ETV7: variants seen among roughly 807,000 people sequenced by gnomAD.
ETV7 encodes ETS variant transcription factor 7.
Under a neutral mutation model 39.1 loss-of-function variants are expected in ETV7, and 43 were observed. That is an observed-to-expected ratio of 1.10 (90% CI 0.86 to 1.42). ETV7 has a LOEUF of 1.42. ETV7 is among the 40% of genes most tolerant of loss of function. The probability of loss-of-function intolerance (pLI) is 0.00; values close to 1 mark genes in which losing one functional copy is unlikely to be tolerated. For synonymous variants in ETV7, 196 were observed against 176.6 expected (o/e 1.11, Z -0.87); for missense variants, 432 against 442.3 (o/e 0.98, Z 0.21).
At chr6:36,369,273 C>T (rs939983572) in intron 5 of ETV7, among the ~76,000 whole-genome samples, 2 of 152,154 alleles carry the variant, frequency 1.3e-5, no homozygotes, top group Admixed American at 6.5e-5. Context: ...TCTGGGAAGT[C>T]GTTACCTTTA....
At chr6:36,357,055 T>A (rs1772360530) in intron 7 of ETV7, among the ~76,000 whole-genome samples, 1 of 152,150 alleles carries the variant, frequency 6.6e-6, no homozygotes, top group Non-Finnish European at 1.5e-5. Context: ...GCATTACAAA[T>A]TATCTCTTTT....
Position 36,371,558 on chromosome 6 carries a change from C to T in ETV7, c.436G>A (p.Val146Met), listed in dbSNP as rs1313537655. The change falls in exon 5 of 8, where the codon GTG becomes ATG. Residue 146 changes from valine to methionine, a missense_variant and splice_region_variant. Transcript: ENST00000340181. ...GTGTCCATCTGAGAGGGGCCAGTCA[C>T]CTCTGCAAGCAGATGAGCACCAGTG... ...TQHSPVPPEE[V>M]TGPSQMDTRR... 2 of 1,579,794 alleles carry T rather than the reference C, an allele frequency of 1.3e-6. No homozygotes were observed. Among genetic ancestry groups the T allele is most frequent in the African/African-American group, 2.7e-5 (2 of 74,686 alleles).
chr6:36,387,607 G>T lies in ETV7; in HGVS notation c.-66C>A. ...GCGCTCCCCTGGCTGTGGCTGCTGG[G>T]GCCCTAGGCCCGCGCCCCGCAGTCC... is the stretch of plus-strand genomic sequence containing the variant. On this transcript the variant is annotated 5_prime_UTR_variant, in exon 1 of 8. Coordinates refer to ENST00000340181, the MANE Select transcript of ETV7 (RefSeq NM_016135.4). The T allele has an allele frequency of 6.3e-7, 1 of 1,589,520 alleles. No individual in the cohort carries two copies. The highest frequency in any genetic ancestry group is 1.1e-5 in the South Asian group (1 of 90,076).
downstream of ETV7, among the ~76,000 whole-genome samples, chr6:36,362,587 G>T (rs1205416245): frequency 2.0e-5 from 3 of 152,196 alleles, no homozygotes; most frequent in African/African-American, 7.2e-5. Flanking sequence ...TACAGAGCAG[G>T]TACTCAATTG....
chr6:36,385,807 G>T, intron 1 of ETV7, 138 bp from the exon 2 acceptor site: 2 of 869,856 alleles, frequency 2.3e-6, no homozygotes, highest in Non-Finnish European at 3.4e-6. Flanking sequence ...TTAAAGGTAG[G>T]AACCATGTAT....
chr6:36,366,483 C>T lies in ETV7; in HGVS notation c.*162G>A. ...AAGATGACACTCCTGCCCCCAGTGT[C>T]CTGGATGGGAGGCCTCCCAGCCTTC... On this transcript the variant is annotated 3_prime_UTR_variant, in exon 8 of 8. Transcript: ENST00000340181. 6.7e-7 allele frequency: 1 copy of T among 1,500,730 alleles called. No homozygotes were observed. 93.0% of individuals were successfully genotyped at this position (1,500,730 alleles called of 1,614,324 possible).
chr6:36,382,862 T>C (rs1483905961), intron 2 of ETV7, among the ~76,000 whole-genome samples: 1 of 152,208 alleles, frequency 6.6e-6, no homozygotes, highest in Non-Finnish European at 1.5e-5. Context: ...AGACCTTTTC[T>C]CTGGGGAATA....
downstream of ETV7, among the ~76,000 whole-genome samples, chr6:36,365,779 C>G (rs544359003): frequency 1.4e-3 from 217 of 152,282 alleles, no homozygotes; most frequent in African/African-American, 4.7e-3. Context: ...ACAAGCCTCT[C>G]CCTCAGTGTC....
chr6:36,357,822 G>A lies in ETV7; in HGVS notation c.909-3135C>T, dbSNP rs138725429. 6.3e-3 allele frequency among the ~76,000 whole-genome samples: 954 copies of A among 152,260 alleles called. 13 individuals carry two copies. The highest frequency in any genetic ancestry group is 0.021 in the African/African-American group (878 of 41,528). On this transcript the variant is annotated intron_variant, in intron 7 of 7. Transcript: ENST00000339796. The stretch of plus-strand genomic sequence containing the variant: ...GAACCTGGTAGGTGGAGGTTGCAGT[G>A]AGCCAAAATTGTACCACTGCACTCC...
downstream of ETV7, among the ~76,000 whole-genome samples, chr6:36,365,777 C>T (rs1009164680): frequency 2.0e-5 from 3 of 152,180 alleles, no homozygotes; most frequent in Non-Finnish European, 2.9e-5. Flanking sequence ...CCACAAGCCT[C>T]TCCCTCAGTG....
intron 7 of ETV7, among the ~76,000 whole-genome samples, chr6:36,358,691 C>T (rs978633790): frequency 3.9e-5 from 6 of 152,204 alleles, no homozygotes; most frequent in East Asian, 1.9e-4. Flanking sequence ...TTGCACGCCA[C>T]GTTCAGCCAC....
At position 36,373,479 on chromosome 6, in the gene ETV7, G is replaced by A. The variant is rs1479610292; in HGVS notation, c.407C>T (p.Thr136Ile). 1.3e-6 allele frequency: 2 copies of A among 1,584,282 alleles called. No individual in the cohort carries two copies. The highest frequency in any genetic ancestry group is 1.7e-4 in the Middle Eastern group (1 of 5,908). ...TTCCGGGGGGACTGGAGAGTGCTGG[G>A]TGGGCGTCTTCAGCCTGAAGATCCC... is the stretch of plus-strand genomic sequence containing the variant. ...FGGIFRLKTP[T>I]QHSPVPPEEV... Residue 136 changes from threonine to isoleucine, a missense_variant, in exon 4 of 8, where the codon ACC becomes ATC. Transcript: ENST00000340181.
intron 7 of ETV7, among the ~76,000 whole-genome samples, chr6:36,356,336 A>AAAAC (rs1170091823): frequency 6.6e-6 from 1 of 151,024 alleles, no homozygotes; most frequent in Non-Finnish European, 1.5e-5. Flanking sequence ...AAAAAAAAAA[A>AAAAC]AAACAAAAAA....
At chr6:36,364,290 C>T (rs1026729526), downstream of ETV7, among the ~76,000 whole-genome samples, 54 of 152,196 alleles carry the variant, frequency 3.5e-4, no homozygotes, top group Admixed American at 9.8e-4. Context: ...GGGTGGCGCT[C>T]GTCGGGGAGG....
chr6:36,380,467 T>C (rs1269187745), intron 2 of ETV7, among the ~76,000 whole-genome samples: 3 of 152,222 alleles, frequency 2.0e-5, no homozygotes, highest in Non-Finnish European at 2.9e-5. Flanking sequence ...AAGGCAGATA[T>C]GGACAGAGTC....
At chr6:36,358,588 C>T (rs769803932) in intron 7 of ETV7, among the ~76,000 whole-genome samples, 12 of 152,246 alleles carry the variant, frequency 7.9e-5, no homozygotes, top group Non-Finnish European at 1.6e-4. Flanking sequence ...TTCCCCATCC[C>T]CCAAACCCTA....
intron 2 of ETV7, among the ~76,000 whole-genome samples, chr6:36,384,272 T>C (rs1046468431): frequency 6.6e-6 from 1 of 152,098 alleles, no homozygotes; most frequent in Non-Finnish European, 1.5e-5. Flanking sequence ...TAGGCCACGG[T>C]GACCTGCACC....
At chr6:36,355,973 T>C (rs1772325409) in intron 7 of ETV7, among the ~76,000 whole-genome samples, 1 of 152,182 alleles carries the variant, frequency 6.6e-6, no homozygotes. Context: ...GCAGTGAACT[T>C]AAAGAGTATC....
chr6:36,371,474 G>A lies in ETV7; in HGVS notation c.520C>T (p.Leu174=). 1 of 1,603,926 alleles carries A rather than the reference G, an allele frequency of 6.2e-7. No homozygotes were observed. The change falls in exon 5 of 8, where the codon CTG becomes TTG. Residue 174 remains leucine (L), a synonymous_variant. Coordinates refer to ENST00000340181, the MANE Select transcript of ETV7 (RefSeq NM_016135.4). The part of the protein sequence containing the change: ...DPGLTSNFGH[L]DDPGLARWTP... ...CACCTTGCCAGGCCAGGGTCATCCA[G>A]GTGGCCGAAGTTGCTGGTAAGCCCT...
Sources: gnomAD v4.1 joint callset for allele counts (sites outside exome capture counted in the v4.1 genomes callset) on GRCh38, gnomAD v4.1.1 for gene constraint, MANE v1.5 for transcripts, NCBI Gene and HGNC (gene_info 2026-07-23, HGNC 2026-07-21) for gene names.